Variants in RAPGEF1 observed in about 807,000 individuals in gnomAD.
The protein encoded by RAPGEF1 is CRK SH3-binding GNRP.
RAPGEF1 carries 33 observed loss-of-function variants against 143.3 expected under a neutral mutation model. The observed-to-expected ratio is 0.23, with a 90% CI of 0.17 to 0.31. RAPGEF1 has a LOEUF of 0.31. Ranked by LOEUF, RAPGEF1 falls within the 10% of genes least tolerant of loss-of-function variation. RAPGEF1 has a pLI of 1.00. For missense variants in RAPGEF1, 1,199 were observed against 1,645.4 expected (o/e 0.73, Z 4.69); for synonymous variants, 629 against 676.5 (o/e 0.93, Z 1.09).
At position 131,588,019 on chromosome 9, in the gene RAPGEF1, T is replaced by A. The variant is rs764782256; in HGVS notation, c.3061A>T (p.Thr1021Ser). 1.1e-5 allele frequency: 17 copies of A among 1,611,994 alleles called. No individual in the cohort carries two copies. The Admixed American group carries it at 2.8e-4, about 27-fold the overall frequency. The part of the protein sequence containing the change: ...AARGVAARPG[T>S]LHDFHSHEIA... ...TCATGGCTGTGAAAGTCGTGCAAGG[T>A]CCCCGGCCTGGAAGACAGAGGTGTG... Residue 1021 changes from threonine to serine, a missense_variant, in exon 21 of 27, where the codon ACC (threonine) becomes TCC (serine). This residue lies in a region of RAPGEF1 where 209 missense variants were observed against 403.0 expected (regional missense o/e 0.52). Transcript: ENST00000683357.
intron 1 of RAPGEF1, chr9:131,710,009 C>T (rs1329648484): frequency 2.1e-6 from 2 of 931,144 alleles, no homozygotes; most frequent in Non-Finnish European, 2.6e-6. Context: ...AGCACAACAG[C>T]GGCTTGCAAG....
At chr9:131,601,383 G>C (rs1052877435) in intron 15 of RAPGEF1, among the ~76,000 whole-genome samples, 6 of 152,172 alleles carry the variant, frequency 3.9e-5, no homozygotes, top group South Asian at 4.1e-4. Flanking sequence ...CAACTTGAAA[G>C]AGGCCAAGAC....
chr9:131,613,519 A>T (rs1297011943), intron 12 of RAPGEF1, among the ~76,000 whole-genome samples: 1 of 152,162 alleles, frequency 6.6e-6, no homozygotes, highest in Non-Finnish European at 1.5e-5. Flanking sequence ...CAGGTGAGAC[A>T]TGGGGGTGGG....
intron 1 of RAPGEF1, among the ~76,000 whole-genome samples, chr9:131,679,457 T>G (rs1832730248): frequency 6.6e-6 from 1 of 152,236 alleles, no homozygotes; most frequent in Non-Finnish European, 1.5e-5. Flanking sequence ...AAGGCTGTGA[T>G]TCAGATGTTC....
rs1036332279 is a variant in RAPGEF1 at position 131,667,639 on chromosome 9, G to C, written c.62-16690C>G. Among the ~76,000 whole-genome samples the C allele has an allele frequency of 1.3e-5, 2 of 152,204 alleles. No homozygotes were observed. The highest frequency in any genetic ancestry group is 4.8e-5 in the African/African-American group (2 of 41,456). On this transcript the variant is annotated intron_variant, in intron 1 of 26. Coordinates refer to ENST00000683357, the MANE Select transcript of RAPGEF1 (RefSeq NM_001377935.1). This position sits in a 1 kb window ranked among gnomAD's most constrained non-coding sequence, Gnocchi z 4.6. ...GGTAGGGACCACAGTCATTCAAAGGGGAACTGCCACCATGTCCTATGGCTA... is the reference window on the plus strand; with the variant it reads ...GGTAGGGACCACAGTCATTCAAAGGCGAACTGCCACCATGTCCTATGGCTA...
At chr9:131,590,020 G>T in intron 18 of RAPGEF1, 42 bp from the exon 19 acceptor site, 1 of 1,568,812 alleles carries the variant, frequency 6.4e-7, no homozygotes, top group South Asian at 1.1e-5. Context: ...GTCGGCTGAG[G>T]GTGGTGGAGT....
intron 1 of RAPGEF1, among the ~76,000 whole-genome samples, chr9:131,732,641 A>G (rs1837154184): frequency 6.6e-6 from 1 of 152,210 alleles, no homozygotes; most frequent in Non-Finnish European, 1.5e-5. Flanking sequence ...CTAACTGCAC[A>G]CCACTGATCA....
intron 1 of RAPGEF1, among the ~76,000 whole-genome samples, chr9:131,703,774 A>G (rs1834842222): frequency 6.6e-6 from 1 of 152,196 alleles, no homozygotes. Flanking sequence ...GCACATATGA[A>G]AGGCAGTGAC....
chr9:131,716,140 A>C (rs1835847161), intron 1 of RAPGEF1, among the ~76,000 whole-genome samples: 1 of 152,196 alleles, frequency 6.6e-6, no homozygotes, highest in African/African-American at 2.4e-5. Context: ...CTAGAAGGAC[A>C]ATCTACGGAA....
chr9:131,622,097 G>A, intron 10 of RAPGEF1, 99 bp from the exon 11 acceptor site: 1 of 1,183,098 alleles, frequency 8.5e-7, no homozygotes, highest in Non-Finnish European at 1.2e-6. Flanking sequence ...GCTTTCCACT[G>A]AAAGCACCTC....
intron 1 of RAPGEF1, among the ~76,000 whole-genome samples, chr9:131,732,154 C>T (rs1003143896): frequency 3.3e-5 from 5 of 152,062 alleles, no homozygotes; most frequent in African/African-American, 1.2e-4. Context: ...GCACCCCAGC[C>T]CTAGACAGCA....
At chr9:131,719,909 A>G (rs1000720673) in intron 1 of RAPGEF1, among the ~76,000 whole-genome samples, 26 of 148,204 alleles carry the variant, frequency 1.8e-4, no homozygotes, top group African/African-American at 5.5e-4. Flanking sequence ...TTTTGAGACA[A>G]GAGTCTCACT....
intron 5 of RAPGEF1, among the ~76,000 whole-genome samples, chr9:131,634,893 G>C (rs904591576): frequency 6.6e-6 from 1 of 151,998 alleles, no homozygotes; most frequent in Non-Finnish European, 1.5e-5. Flanking sequence ...CTTTGGCCTC[G>C]AGTGGCTCGG....
chr9:131,629,843 G>A (rs1339971121), intron 6 of RAPGEF1, among the ~76,000 whole-genome samples: 2 of 151,932 alleles, frequency 1.3e-5, no homozygotes, highest in Non-Finnish European at 2.9e-5. Context: ...GGAGCTTGGA[G>A]TAGAGATGAA....
intron 1 of RAPGEF1, among the ~76,000 whole-genome samples, chr9:131,681,256 A>C (rs973290805): frequency 2.0e-5 from 3 of 152,076 alleles, no homozygotes; most frequent in Non-Finnish European, 4.4e-5. Context: ...TCTTTTCCGG[A>C]GGACACTGGG....
Position 131,628,730 on chromosome 9 carries a change from G to C in RAPGEF1, c.894-58C>G, listed in dbSNP as rs374770205. The C allele has an allele frequency of 9.1e-6, 14 of 1,532,010 alleles. No homozygotes were observed. The East Asian group carries it at 2.7e-4, about 30-fold the overall frequency. 94.9% of individuals were successfully genotyped at this position (1,532,010 alleles called of 1,614,324 possible). ...ACCACACTCACCAAAGCTCTTCAGC[G>C]TGATATTGGGGTACAGGATGTGGGG... On this transcript the variant is annotated intron_variant, in intron 7 of 26. Transcript: ENST00000683357. The surrounding 1 kb of genome is among the most constrained non-coding windows in gnomAD (Gnocchi z 5.7).
At chr9:131,613,893 G>A (rs1050228329) in intron 12 of RAPGEF1, among the ~76,000 whole-genome samples, 2 of 152,212 alleles carry the variant, frequency 1.3e-5, no homozygotes, top group East Asian at 1.9e-4. Context: ...GTATAGACTT[G>A]TAGACTACAT....
At position 131,615,017 on chromosome 9, in the gene RAPGEF1, T is replaced by A. The variant is rs577936395; in HGVS notation, c.2061+4034A>T. Among the ~76,000 whole-genome samples, 3 of 152,364 alleles carry A rather than the reference T, an allele frequency of 2.0e-5. No homozygotes were observed. In the East Asian group the frequency reaches 5.8e-4, roughly 29 times the overall value. ...ACCTCTTAGTGAGAGTAAATACCCA[T>A]AACTTTCAGTTAGCAAAGAAAGAAC... On this transcript the variant is annotated intron_variant, in intron 12 of 26. Coordinates refer to ENST00000683357, the MANE Select transcript of RAPGEF1 (RefSeq NM_001377935.1).
chr9:131,702,452 T>C (rs1184351156), intron 1 of RAPGEF1, among the ~76,000 whole-genome samples: 2 of 152,262 alleles, frequency 1.3e-5, no homozygotes, highest in African/African-American at 4.8e-5. Context: ...ACACCGATAA[T>C]GGCTTTTGAA....
Sources: gnomAD v4.1 joint callset for allele counts (sites outside exome capture counted in the v4.1 genomes callset) on GRCh38, gnomAD v4.1.1 for gene constraint, gnomAD v4.1.1 regional missense constraint, Gnocchi (gnomAD v3.1) non-coding constraint, MANE v1.5 for transcripts, NCBI Gene and HGNC (gene_info 2026-07-23, HGNC 2026-07-21) for gene names.